Variants in GNG10 observed in about 807,000 individuals in gnomAD.
GNG10 encodes the protein guanine nucleotide-binding protein G(I)/G(S)/G(O) subunit gamma-10.
Under a neutral mutation model 6.8 loss-of-function variants are expected in GNG10, and 7 were observed. The observed-to-expected ratio is 1.02, with a 90% CI of 0.58 to 1.92. The LOEUF is 1.92. Ranked by LOEUF, GNG10 falls within the 30% of genes most tolerant of loss-of-function variation. GNG10 has a pLI of 0.00. For missense variants in GNG10, 57 were observed against 86.1 expected (o/e 0.66, Z 1.34); for synonymous variants, 28 against 34.8 (o/e 0.80, Z 0.69).
At chr9:111,668,949 C>T (rs1034517405) in intron 2 of GNG10, among the ~76,000 whole-genome samples, 16 of 152,116 alleles carry the variant, frequency 1.1e-4, no homozygotes, top group South Asian at 1.0e-3. Flanking sequence ...CTCTGCCTCC[C>T]GGGTTCAAGC....
At chr9:111,668,817 A>C (rs1447039134) in intron 2 of GNG10, among the ~76,000 whole-genome samples, 2 of 151,092 alleles carry the variant, frequency 1.3e-5, no homozygotes, top group Admixed American at 6.6e-5. Flanking sequence ...CTGCTCATTC[A>C]GTGGTGTGGT....
At chr9:111,665,365 G>A (rs10817207) in intron 1 of GNG10, among the ~76,000 whole-genome samples, 70,016 of 151,996 alleles carry the variant, frequency 0.46, 17,792 homozygotes, top group African/African-American at 0.68. Flanking sequence ...TGGCTTAAAA[G>A]ATTTATACTC....
intron 1 of GNG10, among the ~76,000 whole-genome samples, chr9:111,663,128 C>T (rs1830849342): frequency 6.6e-6 from 1 of 152,084 alleles, no homozygotes; most frequent in South Asian, 2.1e-4. Context: ...TGTATGGTGA[C>T]ACTTTTCTTT....
At chr9:111,666,723 T>G (rs1564092121) in intron 1 of GNG10, 92 bp from the exon 2 acceptor site, 1 of 1,467,108 alleles carries the variant, frequency 6.8e-7, no homozygotes, top group Non-Finnish European at 9.1e-7. Flanking sequence ...AAGTTGATAT[T>G]TACCAAGTTG....
intron 2 of GNG10, among the ~76,000 whole-genome samples, chr9:111,667,874 C>T (rs896051221): frequency 6.6e-6 from 1 of 151,978 alleles, no homozygotes; most frequent in Non-Finnish European, 1.5e-5. Context: ...CCCCCCTCAT[C>T]GCCGAGACAT....
chr9:111,662,268 C>T (rs1367039561), intron 1 of GNG10, among the ~76,000 whole-genome samples: 2 of 152,056 alleles, frequency 1.3e-5, no homozygotes, highest in Admixed American at 1.3e-4. Flanking sequence ...TCCTCATGGC[C>T]TGAAGCTCAG....
chr9:111,662,559 G>A (rs1339573128), intron 1 of GNG10, among the ~76,000 whole-genome samples: 1 of 152,264 alleles, frequency 6.6e-6, no homozygotes, highest in East Asian at 1.9e-4. Context: ...CTGTTGTAGA[G>A]CTGTGTTTAG....
chr9:111,667,571 G>A (rs190526037), intron 2 of GNG10, among the ~76,000 whole-genome samples: 31 of 152,130 alleles, frequency 2.0e-4, no homozygotes, highest in African/African-American at 6.7e-4. Context: ...TGTCCTTATA[G>A]CATCCAAGGG....
At chr9:111,664,483 A>G (rs1830870170) in intron 1 of GNG10, among the ~76,000 whole-genome samples, 2 of 152,162 alleles carry the variant, frequency 1.3e-5, no homozygotes, top group South Asian at 4.1e-4. Flanking sequence ...TCCCAGCTAT[A>G]GGAATGCTTG....
At chr9:111,663,950 A>T (rs749454555) in intron 1 of GNG10, among the ~76,000 whole-genome samples, 1 of 150,532 alleles carries the variant, frequency 6.6e-6, no homozygotes, top group Non-Finnish European at 1.5e-5. Context: ...CCTCCCGAGT[A>T]GCTGGGATTA....
chr9:111,668,428 T>TCCCCTCCCCTC (rs1830940572), intron 2 of GNG10, among the ~76,000 whole-genome samples: 10 of 119,442 alleles, frequency 8.4e-5, no homozygotes, highest in Admixed American at 9.0e-5. Flanking sequence ...GCTTCCTTCT[T>TCCCCTCCCCTC]CCCTCCCCTC....
chr9:111,667,917 C>T (rs1368113859), intron 2 of GNG10, among the ~76,000 whole-genome samples: 1 of 152,110 alleles, frequency 6.6e-6, no homozygotes, highest in Admixed American at 6.5e-5. Context: ...AGTGCGGTGG[C>T]GCGATCTTGG....
rs575733982 is a variant in GNG10, at chr9:111,661,994, G to C, written c.81+279G>C. On this transcript the variant is annotated intron_variant, in intron 1 of 2. Transcript: ENST00000374293. This position sits in a 1 kb window ranked among gnomAD's most constrained non-coding sequence, Gnocchi z 6.1. ...AGAAGGCGGCCGTGGTCAGTTCCTC[G>C]GAGGGCGCAAGGGATGCCGGCGACG... Among the ~76,000 whole-genome samples the C allele has an allele frequency of 1.3e-3, 192 of 152,224 alleles. 2 individuals are homozygous for C. Among genetic ancestry groups the C allele is most frequent in the Middle Eastern group, 0.01 (3 of 294 alleles).
Position 111,670,010 on chromosome 9 carries a change from T to C in GNG10, c.*748T>C, listed in dbSNP as rs1340531916. On this transcript the variant is annotated 3_prime_UTR_variant, in exon 3 of 3. Transcript: ENST00000374293. ...GTACTTAAAGAAATACAGAATTTCA[T>C]ATATTTAAAAATGTTTAAAATGTGA... The C allele has an allele frequency of 6.6e-6, 1 of 151,646 alleles. No individual in the cohort carries two copies. The highest frequency in any genetic ancestry group is 2.4e-5 in the African/African-American group (1 of 41,026). 9.4% of individuals were successfully genotyped at this position (151,646 alleles called of 1,614,324 possible).
At position 111,661,619 on chromosome 9, in the gene GNG10, G is replaced by C; in HGVS notation, c.-16G>C. On this transcript the variant is annotated 5_prime_UTR_variant, in exon 1 of 3. Transcript: ENST00000374293. The surrounding 1 kb of genome is among the most constrained non-coding windows in gnomAD (Gnocchi z 6.1). Reference sequence around the variant, plus strand: ...CGGCCGGGCCCAGCAGCCCCTAGGAGCCCAGCGCCGCCGCCATGTCCTCCG... The same window carrying C: ...CGGCCGGGCCCAGCAGCCCCTAGGACCCCAGCGCCGCCGCCATGTCCTCCG... 3 of 1,305,368 alleles carry C rather than the reference G, an allele frequency of 2.3e-6. No individual in the cohort carries two copies. The highest frequency in any genetic ancestry group is 2.8e-5 in the Admixed American group (1 of 35,896). 80.9% of individuals were successfully genotyped at this position (1,305,368 alleles called of 1,614,324 possible).
chr9:111,666,784 A>G (rs774545037), intron 1 of GNG10, 31 bp from the exon 2 acceptor site: 5 of 1,606,402 alleles, frequency 3.1e-6, no homozygotes, highest in Non-Finnish European at 4.3e-6. Context: ...GGCTGTGAGC[A>G]GGGTGCCATG....
rs558126253 is a variant in GNG10, at chr9:111,665,463, G to T, written c.82-1352G>T. ...TCTCCCATGCATCTGCAATCAGATAGAGTGTTAACTGGTGTTGGCTGGTGT... is the reference window on the plus strand; with the variant it reads ...TCTCCCATGCATCTGCAATCAGATATAGTGTTAACTGGTGTTGGCTGGTGT... On this transcript the variant is annotated intron_variant, in intron 1 of 2. Coordinates refer to ENST00000374293, the MANE Select transcript of GNG10 (RefSeq NM_001017998.4). 1.2e-4 allele frequency among the ~76,000 whole-genome samples: 19 copies of T among 152,302 alleles called. No homozygotes were observed. In the South Asian group the frequency reaches 3.9e-3, roughly 32 times the overall value.
intron 1 of GNG10, among the ~76,000 whole-genome samples, chr9:111,663,028 G>C (rs1489933242): frequency 6.6e-6 from 1 of 152,184 alleles, no homozygotes; most frequent in Non-Finnish European, 1.5e-5. Flanking sequence ...GGGCTACGGG[G>C]GGGTGGGGGA....
rs140220061 is a variant in GNG10 at position 111,666,813 on chromosome 9, A to C, written c.82-2A>C. The C allele has an allele frequency of 5.0e-6, 8 of 1,611,956 alleles. No homozygotes were observed. Among genetic ancestry groups the C allele is most frequent in the African/African-American group, 2.7e-5 (2 of 74,858 alleles). ...TGCCATGTTGCTGTCCCTTTGTTTC[A>C]GGTCTCTCAGGCAGCTGCAGAGCTT... On this transcript the variant is annotated splice_acceptor_variant, in intron 1 of 2. Transcript: ENST00000374293. LOFTEE classifies it high-confidence loss of function.
Sources: allele counts gnomAD v4.1 joint callset (sites outside exome capture counted in the v4.1 genomes callset), GRCh38; gene constraint gnomAD v4.1.1; non-coding constraint Gnocchi (gnomAD v3.1); transcripts MANE v1.5; gene names NCBI Gene and HGNC (gene_info 2026-07-23, HGNC 2026-07-21).